The following CLCA2 variants were observed in gnomAD, a reference collection of about 807,000 sequenced individuals.
The protein encoded by CLCA2 is chloride channel accessory 2.
CLCA2 carries 85 observed loss-of-function variants against 82.9 expected under a neutral mutation model. The observed-to-expected ratio is 1.03, with a 90% CI of 0.86 to 1.23. The LOEUF is 1.23. CLCA2 is among the 50% of genes most tolerant of loss of function. The pLI is 0.00. For missense variants in CLCA2, 1,089 were observed against 1,124.8 expected (o/e 0.97, Z 0.45); for synonymous variants, 421 against 391.7 (o/e 1.07, Z -0.88).
rs1342562234 is a variant in CLCA2, at chr1:86,447,742, G to T, written c.1948G>T (p.Asp650Tyr). The T allele has an allele frequency of 6.2e-7, 1 of 1,613,798 alleles. No homozygotes were observed. Among genetic ancestry groups the T allele is most frequent in the Non-Finnish European group, 8.5e-7 (1 of 1,179,998 alleles). Residue 650 changes from aspartate to tyrosine, a missense_variant, in exon 11 of 14, where the codon GAT becomes TAT. Coordinates refer to ENST00000370565, the MANE Select transcript of CLCA2 (RefSeq NM_006536.7). ...VTATVEPETG[D>Y]PVTLRLLDDG... ...TGCCACAGTTGAGCCAGAGACTGGAGATCCTGTTACGCTGAGACTCCTTGA... is the reference window on the plus strand; with the variant it reads ...TGCCACAGTTGAGCCAGAGACTGGATATCCTGTTACGCTGAGACTCCTTGA...
At chr1:86,447,487 A>G in intron 10 of CLCA2, 21 bp from the exon 11 acceptor site, 3 of 1,595,550 alleles carry the variant, frequency 1.9e-6, no homozygotes, top group Non-Finnish European at 2.6e-6. Context: ...ACTTTCCAAA[A>G]CAATAAGACT....
At chr1:86,450,098 A>C (rs1457404710) in intron 11 of CLCA2, among the ~76,000 whole-genome samples, 1 of 152,194 alleles carries the variant, frequency 6.6e-6, no homozygotes, top group Non-Finnish European at 1.5e-5. Context: ...TATTTATTAA[A>C]GGTCCTTAAT....
At chr1:86,437,305 T>C (rs916900227) in intron 6 of CLCA2, among the ~76,000 whole-genome samples, 4 of 152,152 alleles carry the variant, frequency 2.6e-5, no homozygotes, top group East Asian at 1.9e-4. Context: ...GAAATGCTTA[T>C]AGCTAATGAG....
chr1:86,428,364 A>C (rs1662428754), intron 2 of CLCA2, 54 bp from the exon 3 acceptor site: 8 of 1,512,728 alleles, frequency 5.3e-6, no homozygotes, highest in Non-Finnish European at 7.1e-6. Context: ...GTATACATTT[A>C]TGTCACCAAC....
At chr1:86,436,670 T>C (rs989060200) in intron 6 of CLCA2, among the ~76,000 whole-genome samples, 1 of 152,180 alleles carries the variant, frequency 6.6e-6, no homozygotes, top group Non-Finnish European at 1.5e-5. Flanking sequence ...AATTTTGTTA[T>C]GTTGCATACC....
chr1:86,437,632 C>T (rs1054405644), intron 6 of CLCA2, among the ~76,000 whole-genome samples: 3 of 152,160 alleles, frequency 2.0e-5, no homozygotes, highest in Admixed American at 1.3e-4. Context: ...CTATAACTAA[C>T]ACTGGGTAGA....
chr1:86,435,411 A>T (rs565041471), intron 6 of CLCA2, among the ~76,000 whole-genome samples: 3 of 152,338 alleles, frequency 2.0e-5, no homozygotes, highest in African/African-American at 7.2e-5. Context: ...CTGGTTGAGG[A>T]AGTAAACTGT....
intron 7 of CLCA2, among the ~76,000 whole-genome samples, chr1:86,439,933 C>T (rs927879514): frequency 1.3e-5 from 2 of 152,036 alleles, no homozygotes; most frequent in African/African-American, 2.4e-5. Context: ...TATGGGGACA[C>T]CTTGATGATT....
At position 86,455,505 on chromosome 1, in the gene CLCA2, A is replaced by G. The variant is rs1021310945; in HGVS notation, c.2810A>G (p.Glu937Gly). The change falls in exon 14 of 14, where the codon GAG becomes GGG. Residue 937 changes from glutamate (E) to glycine (G), a missense_variant. By Grantham distance (98) the Glu-to-Gly change is moderately conservative. Coordinates refer to ENST00000370565, the MANE Select transcript of CLCA2 (RefSeq NM_006536.7). ...AGGAAAAAGAGAGCAGACAAGAAAGAGAATGGAACAAAATTATTATAAATA... is the reference window on the plus strand; with the variant it reads ...AGGAAAAAGAGAGCAGACAAGAAAGGGAATGGAACAAAATTATTATAAATA... Reference protein sequence around the residue: ...LSRKKRADKKENGTKLL With the variant: ...LSRKKRADKKGNGTKLL 1 of 1,485,818 alleles carries G rather than the reference A, an allele frequency of 6.7e-7. No homozygotes were observed. The highest frequency in any genetic ancestry group is 8.9e-7 in the Non-Finnish European group (1 of 1,119,352). 92.0% of individuals were successfully genotyped at this position (1,485,818 alleles called of 1,614,324 possible).
rs1662563670 is a variant in CLCA2, at chr1:86,434,596, G to T, written c.823G>T (p.Ala275Ser). The stretch of plus-strand genomic sequence containing the variant: ...GAACCAGATGTGCAGCCTCAGAAGT[G>T]CATGGGATGTAATCACAGACTCTGC... Reference protein sequence around the residue: ...LQNQMCSLRSAWDVITDSADF... With the variant: ...LQNQMCSLRSSWDVITDSADF... The change falls in exon 6 of 14, where the codon GCA becomes TCA. Residue 275 changes from alanine to serine, a missense_variant. Ala to Ser is a moderately conservative substitution (Grantham distance 99). Transcript: ENST00000370565. 6.2e-7 allele frequency: 1 copy of T among 1,614,090 alleles called. No homozygotes were observed. Among genetic ancestry groups the T allele is most frequent in the Admixed American group, 1.7e-5 (1 of 60,008 alleles).
In CLCA2 at chr1:86,455,596, CA is replaced by C. The variant is rs1420523207; in HGVS notation, c.*72del. 9.7e-7 allele frequency: 1 copy of C among 1,029,814 alleles called. No homozygotes were observed. Among genetic ancestry groups the C allele is most frequent in the Non-Finnish European group, 1.3e-6 (1 of 755,736 alleles). The allele number at this position is 1,029,814 out of a possible 1,614,324, so 63.8% of individuals were successfully genotyped here. A position where few individuals can be genotyped will look rare whatever the true frequency, so the allele number is the denominator to read the frequency against. On this transcript the variant is annotated 3_prime_UTR_variant, in exon 14 of 14. Coordinates refer to ENST00000370565, the MANE Select transcript of CLCA2 (RefSeq NM_006536.7). ...GCCTTCGACTACAAAAACATACTAACAAAGTCAAATTAACATCAAAACTGTA... is the reference window on the plus strand; with the variant it reads ...GCCTTCGACTACAAAAACATACTAACAAGTCAAATTAACATCAAAACTGTA...
intron 5 of CLCA2, among the ~76,000 whole-genome samples, chr1:86,433,481 A>C (rs17409213): frequency 0.28 from 42,685 of 152,102 alleles, 6,544 homozygotes; most frequent in Non-Finnish European, 0.34. Context: ...CTTGTCCCAT[A>C]CATTATGTTT....
intron 13 of CLCA2, 55 bp from the exon 14 acceptor site, chr1:86,455,030 C>A: frequency 9.3e-7 from 1 of 1,069,580 alleles, no homozygotes; most frequent in South Asian, 1.9e-5. Flanking sequence ...TTCTAATAAA[C>A]TAGAAAATAT....
intron 11 of CLCA2, among the ~76,000 whole-genome samples, chr1:86,449,258 C>T (rs1303970626): frequency 6.6e-6 from 1 of 152,184 alleles, no homozygotes; most frequent in African/African-American, 2.4e-5. Context: ...ATCACAACAA[C>T]CCTGCAAGAT....
rs1036478782 is a variant in CLCA2 at position 86,441,291 on chromosome 1, T to A, written c.1382-146T>A. 5.5e-6 allele frequency: 3 copies of A among 541,906 alleles called. No homozygotes were observed. In the African/African-American group the frequency reaches 5.7e-5, roughly 10 times the overall value. The allele number at this position is 541,906 out of a possible 1,614,324, so 33.6% of individuals were successfully genotyped here. On this transcript the variant is annotated intron_variant, in intron 8 of 13. Transcript: ENST00000370565. ...CCACTTACCATGTGGTTGTATAGGA[T>A]GTCAGGCAAAGCAAGTCAAGCACAG...
chr1:86,450,725 C>T lies in CLCA2; in HGVS notation c.2147C>T (p.Thr716Ile), dbSNP rs1415182105. 4 of 1,601,086 alleles carry T rather than the reference C, an allele frequency of 2.5e-6. No individual in the cohort carries two copies. Among genetic ancestry groups the T allele is most frequent in the Non-Finnish European group, 3.4e-6 (4 of 1,173,690 alleles). The change falls in exon 12 of 14, where the codon ACA (threonine) becomes ATA (isoleucine). Residue 716 changes from threonine to isoleucine, a missense_variant. By Grantham distance (89) the Thr-to-Ile change is moderately conservative. Coordinates refer to ENST00000370565, the MANE Select transcript of CLCA2 (RefSeq NM_006536.7). ...CATGCTATGTATGTACCAGGTTACA[C>T]AGCAAACGGTAAGAACCATTAGCAC... is the stretch of plus-strand genomic sequence containing the variant. ...GSHAMYVPGY[T>I]ANGNIQMNAP...
intron 12 of CLCA2, among the ~76,000 whole-genome samples, chr1:86,452,859 G>C (rs1310499019): frequency 6.6e-6 from 1 of 151,988 alleles, no homozygotes; most frequent in African/African-American, 2.4e-5. Flanking sequence ...TGTAATTATT[G>C]GCACAGCATA....
chr1:86,425,467 A>G lies in CLCA2; in HGVS notation c.315A>G (p.Ser105=), dbSNP rs1360105827. 3 of 1,545,620 alleles carry G rather than the reference A, an allele frequency of 1.9e-6. No homozygotes were observed. The highest frequency in any genetic ancestry group is 2.3e-5 in the East Asian group (1 of 43,420). ...ATAACAGCAAAATAAAACAAGAATC[A>G]TATGAAAAGGTAAGAATCCAGGATT... ...ANNNSKIKQE[S]YEKANVIVTD... is the part of the protein sequence containing the mutation. Residue 105 remains serine, a synonymous_variant, in exon 2 of 14, where the codon TCA becomes TCG. Transcript: ENST00000370565.
chr1:86,444,043 C>G (rs144302391), intron 10 of CLCA2, 32 bp downstream of exon 10: 1 of 1,383,820 alleles, frequency 7.2e-7, no homozygotes, highest in Non-Finnish European at 1.0e-6. Context: ...CTAAGGACAA[C>G]GTTCAACCAA....
Sources: gnomAD v4.1 joint callset for allele counts (sites outside exome capture counted in the v4.1 genomes callset) on GRCh38, gnomAD v4.1.1 for gene constraint, MANE v1.5 for transcripts, NCBI Gene and HGNC (gene_info 2026-07-23, HGNC 2026-07-21) for gene names.